CSMD1: variants seen among roughly 807,000 people sequenced by gnomAD.
CSMD1 encodes CUB and Sushi multiple domains 1, also known as CUB and sushi domain-containing protein 1.
In CSMD1, 213 loss-of-function variants were observed where a neutral mutation model predicts 417.5. That is an observed-to-expected ratio of 0.51 (90% CI 0.46 to 0.57). CSMD1 has a LOEUF of 0.57. CSMD1 is among the 20% of genes least tolerant of loss of function. The pLI, the probability that CSMD1 is intolerant of heterozygous loss-of-function variation, is 0.00. For synonymous variants in CSMD1, 2,862 were observed against 1,736.8 expected, an observed-to-expected ratio of 1.65 and a Z score of -16.11; for missense variants, 6,923 against 4,529.7, an observed-to-expected ratio of 1.53 and a Z score of -15.17.
chr8:4,857,233 A>C (rs955037619), intron 1 of CSMD1, among the ~76,000 whole-genome samples: 3 of 149,664 alleles, frequency 2.0e-5, no homozygotes, highest in South Asian at 4.4e-4. Flanking sequence ...ACAAAGACAC[A>C]ACATACCAGA....
At chr8:4,391,396 T>C (rs532661979) in intron 3 of CSMD1, among the ~76,000 whole-genome samples, 2 of 152,244 alleles carry the variant, frequency 1.3e-5, no homozygotes, top group South Asian at 4.1e-4. Flanking sequence ...ATGTAAGACT[T>C]TGAAGACTAG....
intron 1 of CSMD1, among the ~76,000 whole-genome samples, chr8:4,646,406 G>C (rs1430710643): frequency 6.6e-6 from 1 of 152,132 alleles, no homozygotes; most frequent in Non-Finnish European, 1.5e-5. Context: ...AGAAGCTCCA[G>C]TGTCTCAAGG....
At position 3,972,481 on chromosome 8, in the gene CSMD1, A is replaced by G. The variant is rs530438324; in HGVS notation, c.818+25422T>C. ...CCTTGGCTTCTTTCATTCCTTTCTC[A>G]TTGGAATGAATTTTTGCCTCTGTCA... On this transcript the variant is annotated intron_variant, in intron 5 of 69. Coordinates refer to ENST00000635120, the MANE Select transcript of CSMD1 (RefSeq NM_033225.6). 3.3e-5 allele frequency among the ~76,000 whole-genome samples: 5 copies of G among 152,182 alleles called. No individual in the cohort carries two copies. In the South Asian group the frequency reaches 1.0e-3, roughly 32 times the overall value.
chr8:2,955,910 A>G, intron 63 of CSMD1, 142 bp from the exon 64 acceptor site: 2 of 553,454 alleles, frequency 3.6e-6, no homozygotes, highest in Non-Finnish European at 5.9e-6. Context: ...ATATATATGT[A>G]TATTTTTTTT....
chr8:3,490,832 C>G (rs571348145), intron 11 of CSMD1, among the ~76,000 whole-genome samples: 3 of 151,928 alleles, frequency 2.0e-5, no homozygotes, highest in Non-Finnish European at 4.4e-5. Context: ...GATATCTGGG[C>G]CCTCAGATGT....
At chr8:4,732,995 GCTC>G (rs1186846221) in intron 1 of CSMD1, among the ~76,000 whole-genome samples, 3 of 150,886 alleles carry the variant, frequency 2.0e-5, no homozygotes, top group African/African-American at 7.3e-5. Context: ...CTAGGGCTAC[GCTC>G]CTCTTTCATT....
intron 3 of CSMD1, among the ~76,000 whole-genome samples, chr8:4,229,603 C>T (rs1425929175): frequency 1.3e-5 from 2 of 152,178 alleles, no homozygotes; most frequent in Admixed American, 6.5e-5. Flanking sequence ...CATGAAGGCT[C>T]TTCCCCAGAT....
intron 2 of CSMD1, among the ~76,000 whole-genome samples, chr8:4,426,280 C>G (rs981717337): frequency 1.3e-5 from 2 of 151,350 alleles, no homozygotes; most frequent in African/African-American, 4.8e-5. Flanking sequence ...AATTTCTGTT[C>G]TAGAATTCAT....
chr8:4,302,747 T>G (rs989427862), intron 3 of CSMD1, among the ~76,000 whole-genome samples: 5 of 152,170 alleles, frequency 3.3e-5, no homozygotes, highest in Admixed American at 1.3e-4. Context: ...CATTTAGTTT[T>G]TTACTGACCC....
At chr8:4,365,025 G>C (rs1801984638) in intron 3 of CSMD1, among the ~76,000 whole-genome samples, 1 of 152,080 alleles carries the variant, frequency 6.6e-6, no homozygotes, top group Non-Finnish European at 1.5e-5. Flanking sequence ...GATATTTTAT[G>C]AAATATGTTC....
intron 3 of CSMD1, among the ~76,000 whole-genome samples, chr8:4,143,464 G>C (rs1245487270): frequency 1.3e-5 from 2 of 150,318 alleles, no homozygotes; most frequent in African/African-American, 2.5e-5. Flanking sequence ...TATTACAGGA[G>C]GTGTTTAATA....
intron 54 of CSMD1, among the ~76,000 whole-genome samples, chr8:2,986,540 G>C (rs1446361516): frequency 4.0e-5 from 6 of 151,712 alleles, no homozygotes; most frequent in Non-Finnish European, 5.9e-5. Context: ...TCTCACTCTG[G>C]CTCACCCAGG....
chr8:3,074,039 G>C (rs1046762753), intron 49 of CSMD1, among the ~76,000 whole-genome samples: 1 of 152,202 alleles, frequency 6.6e-6, no homozygotes, highest in Non-Finnish European at 1.5e-5. Context: ...GGGTGGCAGC[G>C]GGCTGCTTTC....
At chr8:3,098,459 A>T (rs1194990216) in intron 46 of CSMD1, among the ~76,000 whole-genome samples, 1 of 152,206 alleles carries the variant, frequency 6.6e-6, no homozygotes. Context: ...GAAAATGTTT[A>T]GACATAAGAC....
Position 3,162,147 on chromosome 8 carries a change from G to A in CSMD1, c.5844+12C>T, listed in dbSNP as rs1563099189. ...TGTGTATGTTATTCCTGAGCACTGA[G>A]AAGAAGGATACCTGCAGGGTGTACC... On this transcript the variant is annotated intron_variant, in intron 38 of 69. Coordinates refer to ENST00000635120, the MANE Select transcript of CSMD1 (RefSeq NM_033225.6). The A allele has an allele frequency of 1.9e-6, 3 of 1,545,090 alleles. No individual in the cohort carries two copies. Among genetic ancestry groups the A allele is most frequent in the East Asian group, 2.3e-5 (1 of 43,768 alleles).
At chr8:4,459,041 T>C (rs1799653159) in intron 2 of CSMD1, among the ~76,000 whole-genome samples, 1 of 152,154 alleles carries the variant, frequency 6.6e-6, no homozygotes, top group Non-Finnish European at 1.5e-5. Context: ...TTATCTCCAA[T>C]CTAGGTGAGT....
intron 1 of CSMD1, among the ~76,000 whole-genome samples, chr8:4,767,182 AG>A (rs1204608510): frequency 3.3e-5 from 5 of 152,196 alleles, no homozygotes; most frequent in Non-Finnish European, 5.9e-5. Context: ...AACACTGAAA[AG>A]CCCTTAGCTT....
intron 3 of CSMD1, among the ~76,000 whole-genome samples, chr8:4,224,210 C>G (rs1048260218): frequency 4.0e-5 from 5 of 126,426 alleles, no homozygotes; most frequent in Non-Finnish European, 6.5e-5. Context: ...GTTTGTGATC[C>G]AAGTCCTAAA....
At chr8:3,772,222 T>A (rs929114493) in intron 5 of CSMD1, among the ~76,000 whole-genome samples, 15 of 136,794 alleles carry the variant, frequency 1.1e-4, no homozygotes, top group South Asian at 4.9e-4. Flanking sequence ...ACACATATAA[T>A]ACACACACAT....
Sources: gnomAD v4.1 joint callset for allele counts (sites outside exome capture counted in the v4.1 genomes callset) on GRCh38, gnomAD v4.1.1 for gene constraint, MANE v1.5 for transcripts, NCBI Gene and HGNC (gene_info 2026-07-23, HGNC 2026-07-21) for gene names.